JAG1: variants seen among roughly 807,000 people sequenced by gnomAD.
JAG1 encodes the protein protein jagged-1.
A neutral mutation model predicts 148.7 loss-of-function variants in JAG1; 23 were observed. The ratio of observed to expected loss-of-function variants is 0.15; its 90% CI spans 0.11 to 0.22. JAG1 has a LOEUF of 0.22. Ranked by LOEUF, JAG1 falls within the 10% of genes least tolerant of loss-of-function variation. The pLI is 1.00. For missense variants in JAG1, 1,054 were observed against 1,611.2 expected (o/e 0.65, Z 5.92); for synonymous variants, 572 against 598.3 (o/e 0.96, Z 0.64).
Position 10,673,426 on chromosome 20 carries a change from G to A in JAG1, c.81+24C>T, listed in dbSNP as rs2067512924. The A allele has an allele frequency of 7.0e-7, 1 of 1,432,558 alleles. No individual in the cohort carries two copies. Among genetic ancestry groups the A allele is most frequent in the Non-Finnish European group, 9.2e-7 (1 of 1,086,206 alleles). 88.7% of individuals were successfully genotyped at this position (1,432,558 alleles called of 1,614,324 possible). ...AGGGGAGGGAGAGGACGGCTGGGAG[G>A]GAGGCCCGGAGAAGGGCTCCTACCT... is the stretch of plus-strand genomic sequence containing the variant. On this transcript the variant is annotated intron_variant, in intron 1 of 25. Coordinates refer to ENST00000254958, the MANE Select transcript of JAG1 (RefSeq NM_000214.3). The surrounding 1 kb of genome is among the most constrained non-coding windows in gnomAD (Gnocchi z 4.7).
intron 3 of JAG1, among the ~76,000 whole-genome samples, chr20:10,662,875 G>A (rs2067426719): frequency 1.3e-5 from 2 of 152,132 alleles, no homozygotes; most frequent in South Asian, 4.1e-4. Context: ...AGCTAGAAGA[G>A]TGACCCAAAT....
chr20:10,644,960 C>G lies in JAG1; in HGVS notation c.2247G>C (p.Leu749=), dbSNP rs982976067. 1 of 1,613,154 alleles carries G rather than the reference C, an allele frequency of 6.2e-7. No individual in the cohort carries two copies. Among genetic ancestry groups the G allele is most frequent in the African/African-American group, 1.3e-5 (1 of 74,732 alleles). The change falls in exon 18 of 26, where the codon CTG becomes CTC. Residue 749 remains leucine, a synonymous_variant. Transcript: ENST00000254958. The part of the protein sequence containing the change: ...TCNIARNSSC[L]PNPCHNGGTC... ...TGCCCCCATTATGGCAGGGGTTGGG[C>G]AGGCAGCTACTGTTTCGGGCTATAA...
chr20:10,654,486 T>C (rs567487776), intron 5 of JAG1, among the ~76,000 whole-genome samples: 3 of 152,278 alleles, frequency 2.0e-5, no homozygotes, highest in African/African-American at 7.2e-5. Context: ...GGAAAGGGAC[T>C]CAGTCTACTT....
intron 3 of JAG1, among the ~76,000 whole-genome samples, chr20:10,663,567 C>A (rs990587608): frequency 6.6e-6 from 1 of 152,224 alleles, no homozygotes; most frequent in African/African-American, 2.4e-5. Flanking sequence ...GAGCCCAGCA[C>A]CACCTTTATG....
chr20:10,641,783 C>A lies in JAG1; in HGVS notation c.2682G>T (p.Lys894Asn). The A allele has an allele frequency of 6.2e-7, 1 of 1,613,398 alleles. No individual in the cohort carries two copies. The highest frequency in any genetic ancestry group is 1.3e-5 in the African/African-American group (1 of 75,032). ...QCLNGRIACS[K>N]VWCGPRPCLL... The stretch of plus-strand genomic sequence containing the variant: ...AACTGCGGCAGCCATCATGTCCTAC[C>A]TTTGAGCAGGCGATCCGTCCATTCA... The change falls in exon 22 of 26, where the codon AAG becomes AAT. Residue 894 changes from lysine (K) to asparagine (N), a missense_variant and splice_region_variant. Transcript: ENST00000254958.
Position 10,647,836 on chromosome 20 carries a change from A to T in JAG1, c.1720+124T>A, listed in dbSNP as rs1177512986. 5.6e-6 allele frequency: 6 copies of T among 1,065,144 alleles called. No individual in the cohort carries two copies. The East Asian group carries it at 1.0e-4, about 18-fold the overall frequency. The allele number at this position is 1,065,144 out of a possible 1,614,324, so 66.0% of individuals were successfully genotyped here. ...TGCGGCCCGCTACACAGGCAGGATC[A>T]TTTCACTATAGAGGTCCTCCTCACC... On this transcript the variant is annotated intron_variant, in intron 13 of 25. Transcript: ENST00000254958.
chr20:10,650,570 C>A, intron 8 of JAG1: 1 of 562,810 alleles, frequency 1.8e-6, no homozygotes, highest in Non-Finnish European at 3.2e-6. Flanking sequence ...TTCATGTAAT[C>A]CCCAACCTAA....
chr20:10,646,197 C>T (rs763881278), intron 14 of JAG1, 113 bp from the exon 15 acceptor site: 25 of 745,156 alleles, frequency 3.4e-5, no homozygotes, highest in Non-Finnish European at 5.7e-5. Flanking sequence ...GGCACCTCCA[C>T]CTGCTACCCT....
At position 10,673,085 on chromosome 20, in the gene JAG1, C is replaced by T; in HGVS notation, c.82-79G>A. The T allele has an allele frequency of 1.5e-6, 2 of 1,348,800 alleles. No individual in the cohort carries two copies. The highest frequency in any genetic ancestry group is 2.1e-6 in the Non-Finnish European group (2 of 962,208). 83.6% of individuals were successfully genotyped at this position (1,348,800 alleles called of 1,614,324 possible). On this transcript the variant is annotated intron_variant, in intron 1 of 25. Transcript: ENST00000254958. The surrounding 1 kb of genome is among the most constrained non-coding windows in gnomAD (Gnocchi z 4.7). ...GTATAGAGGTGGCGACTCCCTCCCACTCCCCGCCCCGACGAGCCCTCCTCG... is the reference window on the plus strand; with the variant it reads ...GTATAGAGGTGGCGACTCCCTCCCATTCCCCGCCCCGACGAGCCCTCCTCG...
chr20:10,646,029 A>C lies in JAG1; in HGVS notation c.1941T>G (p.Gly647=). The change falls in exon 15 of 26, where the codon GGT becomes GGG. Residue 647 remains glycine, a synonymous_variant. Coordinates refer to ENST00000254958, the MANE Select transcript of JAG1 (RefSeq NM_000214.3). The stretch of plus-strand genomic sequence containing the variant: ...TACAGATGCACTTGTAGGAGTTGAC[A>C]CCATCGATGCAAGTGCCACCGTTTC... ...PCRNGGTCID[G]VNSYKCICSD... is the part of the protein sequence containing the mutation. 6.2e-7 allele frequency: 1 copy of C among 1,614,052 alleles called. No homozygotes were observed. The highest frequency in any genetic ancestry group is 8.5e-7 in the Non-Finnish European group (1 of 1,179,946).
At chr20:10,642,918 C>A (rs1273233425) in intron 20 of JAG1, among the ~76,000 whole-genome samples, 2 of 152,238 alleles carry the variant, frequency 1.3e-5, no homozygotes, top group Non-Finnish European at 2.9e-5. Context: ...CAGTAAACAT[C>A]TTAGGCTTTG....
At position 10,639,473 on chromosome 20, in the gene JAG1, T is replaced by C. The variant is rs772828707; in HGVS notation, c.*25A>G. Reference sequence around the variant, plus strand: ...GAACTACAAGCCCTCAGACTCTACCTAGCGGCGGCAGTGCCCGCGGTCTGC... The same window carrying C: ...GAACTACAAGCCCTCAGACTCTACCCAGCGGCGGCAGTGCCCGCGGTCTGC... On this transcript the variant is annotated 3_prime_UTR_variant, in exon 26 of 26. Coordinates refer to ENST00000254958, the MANE Select transcript of JAG1 (RefSeq NM_000214.3). 2.6e-5 allele frequency: 42 copies of C among 1,595,110 alleles called. No homozygotes were observed. In the South Asian group the frequency reaches 3.9e-4, roughly 15 times the overall value.
chr20:10,651,219 G>A (rs1185069799), intron 8 of JAG1: 3 of 219,492 alleles, frequency 1.4e-5, no homozygotes, highest in African/African-American at 6.7e-5. Context: ...GGGGCCCCCT[G>A]GCCCTATGAC....
intron 3 of JAG1, among the ~76,000 whole-genome samples, chr20:10,661,883 G>A (rs2067419718): frequency 6.6e-6 from 1 of 152,164 alleles, no homozygotes; most frequent in South Asian, 2.1e-4. Context: ...ACTTGGAGGT[G>A]GACTAGGTAT....
Position 10,639,338 on chromosome 20 carries a change from A to G in JAG1, c.*160T>C. On this transcript the variant is annotated 3_prime_UTR_variant, in exon 26 of 26. Coordinates refer to ENST00000254958, the MANE Select transcript of JAG1 (RefSeq NM_000214.3). ...GATGCGGCACTCGATTTCCCAGCCA[A>G]CCACAGAAACTACCATTGCCAGTGT... 2 of 760,390 alleles carry G rather than the reference A, an allele frequency of 2.6e-6. No homozygotes were observed. The highest frequency in any genetic ancestry group is 4.7e-6 in the Non-Finnish European group (2 of 423,980). The allele number at this position is 760,390 out of a possible 1,614,324, so 47.1% of individuals were successfully genotyped here.
In JAG1 at chr20:10,658,559, G is replaced by A. The variant is rs906608550; in HGVS notation, c.603C>T (p.Arg201=). The change falls in exon 4 of 26, where the codon CGC becomes CGT. Residue 201 remains arginine (R), a synonymous_variant. Transcript: ENST00000254958. ...YYGFGCNKFC[R]PRDDFFGHYA... ...AGTGTCCAAAGAAGTCATCTCTGGG[G>A]CGGCAGAACTTATTGCAGCCAAAGC... The A allele has an allele frequency of 6.2e-7, 1 of 1,614,084 alleles. No homozygotes were observed. Among genetic ancestry groups the A allele is most frequent in the African/African-American group, 1.3e-5 (1 of 74,936 alleles).
At position 10,645,714 on chromosome 20, in the gene JAG1, A is replaced by C. The variant is rs978059742; in HGVS notation, c.2000-245T>G. ...GAAGTCCCATGGAAATGAAAGTAGA[A>C]ATATGACTTTCCTTGCAAGCAGGAA... On this transcript the variant is annotated intron_variant, in intron 15 of 25. Transcript: ENST00000254958. The surrounding 1 kb of genome is among the most constrained non-coding windows in gnomAD (Gnocchi z 6.1). 3.2e-6 allele frequency: 2 copies of C among 618,210 alleles called. No individual in the cohort carries two copies. The highest frequency in any genetic ancestry group is 5.7e-6 in the Non-Finnish European group (2 of 349,972). 38.3% of individuals were successfully genotyped at this position (618,210 alleles called of 1,614,324 possible).
chr20:10,664,130 A>T, intron 2 of JAG1, 116 bp from the exon 3 acceptor site: 1 of 840,804 alleles, frequency 1.2e-6, no homozygotes, highest in Non-Finnish European at 2.0e-6. Context: ...CCAAAATAAA[A>T]ATTCTGTTGG....
At chr20:10,660,412 C>G (rs2067408370) in intron 3 of JAG1, among the ~76,000 whole-genome samples, 1 of 152,184 alleles carries the variant, frequency 6.6e-6, no homozygotes, top group Admixed American at 6.5e-5. Flanking sequence ...TCTGCTGGTT[C>G]AGTTAAAAAG....
Sources: allele counts gnomAD v4.1 joint callset (sites outside exome capture counted in the v4.1 genomes callset), GRCh38; gene constraint gnomAD v4.1.1; non-coding constraint Gnocchi (gnomAD v3.1); transcripts MANE v1.5; gene names NCBI Gene and HGNC (gene_info 2026-07-23, HGNC 2026-07-21).